The following LMNTD1 variants were observed in gnomAD, a reference collection of about 807,000 sequenced individuals.
LMNTD1 encodes the protein lamin tail domain-containing protein 1.
Under a neutral mutation model 50.9 loss-of-function variants are expected in LMNTD1, and 35 were observed. That is an observed-to-expected ratio of 0.69 (90% CI 0.53 to 0.91). The LOEUF is 0.91. Ranked by LOEUF, LMNTD1 falls within the 40% of genes least tolerant of loss-of-function variation. The pLI is 0.00. For missense variants in LMNTD1, 470 were observed against 475.5 expected (o/e 0.99, Z 0.11); for synonymous variants, 153 against 161.9 (o/e 0.94, Z 0.42).
intron 4 of LMNTD1, among the ~76,000 whole-genome samples, chr12:25,532,052 T>C (rs1468664226): frequency 6.6e-6 from 1 of 152,082 alleles, no homozygotes; most frequent in Non-Finnish European, 1.5e-5. Context: ...CATTGTTAGT[T>C]TGAAATCCTG....
chr12:25,646,513 C>A (rs1187082737), intron 1 of LMNTD1, among the ~76,000 whole-genome samples: 1 of 151,972 alleles, frequency 6.6e-6, no homozygotes, highest in African/African-American at 2.4e-5. Context: ...TTGTGCTTTT[C>A]TCAAAGCCCC....
chr12:25,495,539 G>A (rs1171898530), intron 9 of LMNTD1, among the ~76,000 whole-genome samples: 3 of 152,090 alleles, frequency 2.0e-5, no homozygotes, highest in Non-Finnish European at 4.4e-5. Context: ...GACACCATAA[G>A]ATAAAGCCCA....
chr12:25,542,618 G>C (rs1361419805), intron 4 of LMNTD1, among the ~76,000 whole-genome samples: 1 of 151,496 alleles, frequency 6.6e-6, no homozygotes, highest in Non-Finnish European at 1.5e-5. Context: ...TATACCTAAT[G>C]CTAGATGACG....
At chr12:25,536,686 GA>G (rs886924758) in intron 4 of LMNTD1, among the ~76,000 whole-genome samples, 35 of 136,484 alleles carry the variant, frequency 2.6e-4, no homozygotes, top group Non-Finnish European at 5.3e-4. Flanking sequence ...AATTAGGGGA[GA>G]AAAAAAAAGC....
chr12:25,506,281 G>C (rs10219694), intron 8 of LMNTD1, among the ~76,000 whole-genome samples: 1 of 152,018 alleles, frequency 6.6e-6, no homozygotes, highest in East Asian at 1.9e-4. Flanking sequence ...AGAAACAAAG[G>C]AGCATCATCA....
chr12:25,509,671 T>C (rs1289008580), intron 8 of LMNTD1, among the ~76,000 whole-genome samples: 1 of 152,102 alleles, frequency 6.6e-6, no homozygotes, highest in Non-Finnish European at 1.5e-5. Context: ...GGAGATGTAA[T>C]AAAATTAAGA....
chr12:25,530,128 T>G (rs1355384927), intron 4 of LMNTD1, among the ~76,000 whole-genome samples: 2 of 152,218 alleles, frequency 1.3e-5, no homozygotes, highest in Non-Finnish European at 2.9e-5. Context: ...GGCTACTCAG[T>G]TTTCCTCTTT....
intron 9 of LMNTD1, among the ~76,000 whole-genome samples, chr12:25,478,199 G>C (rs1938334068): frequency 6.6e-6 from 1 of 152,080 alleles, no homozygotes. Flanking sequence ...TTGACACTCA[G>C]TATTAACCAT....
At chr12:25,631,883 T>C (rs1053281744) in intron 1 of LMNTD1, among the ~76,000 whole-genome samples, 3 of 152,048 alleles carry the variant, frequency 2.0e-5, no homozygotes, top group Non-Finnish European at 4.4e-5. Context: ...AAGCCCAATC[T>C]AAGGAAACCC....
intron 1 of LMNTD1, among the ~76,000 whole-genome samples, chr12:25,621,479 CG>C: frequency 6.6e-6 from 1 of 152,244 alleles, no homozygotes; most frequent in East Asian, 1.9e-4. Flanking sequence ...ATATGATATA[CG>C]TTTAACTTGT....
At chr12:25,637,182 G>A (rs1009488761) in intron 1 of LMNTD1, among the ~76,000 whole-genome samples, 4 of 152,052 alleles carry the variant, frequency 2.6e-5, no homozygotes, top group African/African-American at 7.2e-5. Context: ...TACAATATTA[G>A]AATTATGAGA....
intron 1 of LMNTD1, among the ~76,000 whole-genome samples, chr12:25,646,898 A>G (rs1418331107): frequency 6.6e-6 from 1 of 152,234 alleles, no homozygotes; most frequent in African/African-American, 2.4e-5. Flanking sequence ...AATTCAAATA[A>G]TATGAAAACT....
chr12:25,541,259 G>A (rs1335666571), intron 4 of LMNTD1, among the ~76,000 whole-genome samples: 2 of 82,314 alleles, frequency 2.4e-5, no homozygotes, highest in East Asian at 4.1e-4. Flanking sequence ...AAAAGAGCCC[G>A]CATCACCAAT....
chr12:25,591,811 CAGAGAGAGAGAGAGAGAGAGAG>C (rs58392351), intron 1 of LMNTD1, among the ~76,000 whole-genome samples: 3 of 90,020 alleles, frequency 3.3e-5, no homozygotes, highest in East Asian at 3.3e-4. Context: ...TAGCTCAGAA[CAGAGAGAGAGAGAGAGAGAGAG>C]AGAGAGAGAG....
intron 1 of LMNTD1, among the ~76,000 whole-genome samples, chr12:25,602,914 C>A (rs543437681): frequency 1.2e-4 from 18 of 152,118 alleles, no homozygotes; most frequent in African/African-American, 4.3e-4. Flanking sequence ...GAATTTTGTA[C>A]AATGCACGTT....
chr12:25,499,387 C>T (rs937135204), intron 9 of LMNTD1, among the ~76,000 whole-genome samples: 1 of 152,130 alleles, frequency 6.6e-6, no homozygotes, highest in Non-Finnish European at 1.5e-5. Context: ...CAACTTTTGC[C>T]AAGGTGAAAG....
chr12:25,568,237 G>C (rs1360888693), intron 1 of LMNTD1, among the ~76,000 whole-genome samples: 1 of 152,234 alleles, frequency 6.6e-6, no homozygotes, highest in African/African-American at 2.4e-5. Context: ...TTGAACTTAA[G>C]AGTGATGACT....
At chr12:25,631,443 G>C (rs368938750) in intron 1 of LMNTD1, among the ~76,000 whole-genome samples, 1 of 152,312 alleles carries the variant, frequency 6.6e-6, no homozygotes, top group East Asian at 1.9e-4. Flanking sequence ...ATCCACAGCT[G>C]AGAGACCCAT....
chr12:25,617,973 T>C (rs1946383371), intron 1 of LMNTD1, among the ~76,000 whole-genome samples: 1 of 152,180 alleles, frequency 6.6e-6, no homozygotes, highest in Non-Finnish European at 1.5e-5. Context: ...GTTGTCCCCA[T>C]TGTGCAGGAA....
Sources: gnomAD v4.1 joint callset for allele counts (sites outside exome capture counted in the v4.1 genomes callset) on GRCh38, gnomAD v4.1.1 for gene constraint, MANE v1.5 for transcripts, NCBI Gene and HGNC (gene_info 2026-07-23, HGNC 2026-07-21) for gene names.